MAST2: variants seen among roughly 807,000 people sequenced by gnomAD.
MAST2 encodes microtubule-associated serine/threonine-protein kinase 2.
MAST2 carries 70 observed loss-of-function variants against 147.4 expected under a neutral mutation model. The observed-to-expected ratio is 0.47, with a 90% confidence interval of 0.39 to 0.58. The LOEUF (loss-of-function observed/expected upper bound fraction) is 0.58, where lower values mean the gene tolerates loss of function less well. Among genes scored for constraint, MAST2 ranks in the 20% least tolerant of loss-of-function variants. The pLI is 0.00. For synonymous variants in MAST2, 869 were observed against 896.8 expected (o/e 0.97, Z 0.55); for missense variants, 2,080 against 2,302.3 (o/e 0.90, Z 1.98).
At chr1:45,933,238 C>A (rs11589549) in intron 4 of MAST2, among the ~76,000 whole-genome samples, 2 of 104,666 alleles carry the variant, frequency 1.9e-5, no homozygotes, top group African/African-American at 3.7e-5. Context: ...AAAAAAAAAG[C>A]GGGGGGGTTG....
At chr1:45,869,332 T>TG (rs959171588) in intron 3 of MAST2, among the ~76,000 whole-genome samples, 3 of 152,236 alleles carry the variant, frequency 2.0e-5, no homozygotes, top group African/African-American at 7.2e-5. Flanking sequence ...TTCCTGTAGA[T>TG]GCCATGTATT....
At chr1:45,869,308 G>C (rs1402602328) in intron 3 of MAST2, among the ~76,000 whole-genome samples, 2 of 152,176 alleles carry the variant, frequency 1.3e-5, no homozygotes, top group African/African-American at 4.8e-5. Context: ...TCTGGAGTCT[G>C]TGTTAACAAT....
At chr1:46,024,294 A>C in intron 15 of MAST2, 1 of 347,662 alleles carries the variant, frequency 2.9e-6, no homozygotes. Context: ...AGAGCTACAA[A>C]AGCCCAGGAT....
chr1:45,969,058 T>C (rs1277425162), intron 5 of MAST2, among the ~76,000 whole-genome samples: 1 of 152,208 alleles, frequency 6.6e-6, no homozygotes, highest in East Asian at 1.9e-4. Flanking sequence ...CCTTAGAATT[T>C]CTATTTATAT....
intron 3 of MAST2, among the ~76,000 whole-genome samples, chr1:45,854,868 G>A (rs775652106): frequency 6.6e-6 from 1 of 152,180 alleles, no homozygotes; most frequent in Non-Finnish European, 1.5e-5. Flanking sequence ...AGTCCTAGCT[G>A]GTTTTACCTG....
chr1:45,854,261 C>T (rs1383974630), intron 3 of MAST2, among the ~76,000 whole-genome samples: 3 of 151,424 alleles, frequency 2.0e-5, no homozygotes, highest in South Asian at 2.1e-4. Flanking sequence ...CACTTGAACC[C>T]GGGAGGCAGA....
rs1240049612 is a variant in MAST2 at position 46,035,439 on chromosome 1, G to A, written c.4770G>A (p.Glu1590=). The change falls in exon 29 of 29, where the codon GAG becomes GAA. Residue 1590 remains glutamate, a synonymous_variant. Coordinates refer to ENST00000361297, the MANE Select transcript of MAST2 (RefSeq NM_015112.3). The surrounding 1 kb of genome is among the most constrained non-coding windows in gnomAD (Gnocchi z 5.5). ...HRRLGSPQAI[E]EAASSSSAGP... is the part of the protein sequence containing the mutation. ...GGCTCGGGAGCCCACAAGCCATTGA[G>A]GAGGCTGCCAGCTCCTCCTCAGCAG... 3 of 1,613,100 alleles carry A rather than the reference G, an allele frequency of 1.9e-6. No homozygotes were observed. In the African/African-American group the frequency reaches 4.0e-5, roughly 22 times the overall value.
chr1:45,970,803 T>G lies in MAST2; in HGVS notation c.592+11326T>G, dbSNP rs77469052. ...TCGCTGACAGACTAAGAAGTGTTTT[T>G]TTTTTTTTTTTTCTCCTCCAGTTTG... On this transcript the variant is annotated intron_variant, in intron 5 of 28. Transcript: ENST00000361297. Among the ~76,000 whole-genome samples the G allele has an allele frequency of 4.2e-3, 626 of 150,760 alleles. 6 individuals are homozygous for G. The highest frequency in any genetic ancestry group is 0.036 in the East Asian group (185 of 5,174).
chr1:45,929,257 G>C (rs570894042), intron 4 of MAST2, among the ~76,000 whole-genome samples: 1 of 151,754 alleles, frequency 6.6e-6, no homozygotes, highest in African/African-American at 2.4e-5. Flanking sequence ...ACCCTTATTC[G>C]CATTGACTCA....
intron 5 of MAST2, among the ~76,000 whole-genome samples, chr1:45,962,977 C>T (rs1423583986): frequency 4.6e-5 from 7 of 152,324 alleles, no homozygotes; most frequent in South Asian, 2.1e-4. Flanking sequence ...CAGCTTTCTA[C>T]ATATGGCTAG....
intron 10 of MAST2, among the ~76,000 whole-genome samples, chr1:46,017,238 G>A (rs1000391271): frequency 1.3e-5 from 2 of 152,108 alleles, no homozygotes; most frequent in African/African-American, 4.8e-5. Context: ...GAAAACCTAG[G>A]CATTACCATT....
chr1:45,818,259 G>A (rs545259433), intron 1 of MAST2, among the ~76,000 whole-genome samples: 1 of 152,114 alleles, frequency 6.6e-6, no homozygotes, highest in African/African-American at 2.4e-5. Flanking sequence ...CTTTCACTGG[G>A]GTTCAGAAAG....
intron 1 of MAST2, among the ~76,000 whole-genome samples, chr1:45,823,289 C>T (rs1220640407): frequency 6.8e-6 from 1 of 147,872 alleles, no homozygotes. Context: ...GTGCCAGTTA[C>T]TTGAAGCTTG....
At chr1:45,894,714 G>A (rs1490473864) in intron 4 of MAST2, among the ~76,000 whole-genome samples, 1 of 152,118 alleles carries the variant, frequency 6.6e-6, no homozygotes, top group Non-Finnish European at 1.5e-5. Context: ...TTCACATTCC[G>A]AGTTGTGCCC....
intron 3 of MAST2, among the ~76,000 whole-genome samples, chr1:45,856,501 T>C (rs891733052): frequency 3.9e-5 from 6 of 152,256 alleles, no homozygotes; most frequent in Non-Finnish European, 8.8e-5. Flanking sequence ...CATTTTTGTT[T>C]ATTTTTGTTT....
At chr1:45,977,792 T>G (rs1644231008) in intron 5 of MAST2, among the ~76,000 whole-genome samples, 1 of 90,904 alleles carries the variant, frequency 1.1e-5, no homozygotes, top group Non-Finnish European at 2.2e-5. Context: ...AGAGCAAGAC[T>G]CTTGTCTCAA....
At chr1:45,811,988 T>A (rs962765051) in intron 1 of MAST2, among the ~76,000 whole-genome samples, 1 of 152,078 alleles carries the variant, frequency 6.6e-6, no homozygotes, top group African/African-American at 2.4e-5. Context: ...CAGGCTGGTC[T>A]GGACCTCCTG....
intron 1 of MAST2, among the ~76,000 whole-genome samples, chr1:45,812,225 A>G (rs576672594): frequency 8.6e-5 from 13 of 152,046 alleles, no homozygotes; most frequent in Non-Finnish European, 1.3e-4. Flanking sequence ...CCTCTTATCC[A>G]GGGTATGGGT....
chr1:45,921,749 C>T lies in MAST2; in HGVS notation c.501-37637C>T, dbSNP rs112393221. On this transcript the variant is annotated intron_variant, in intron 4 of 28. Coordinates refer to ENST00000361297, the MANE Select transcript of MAST2 (RefSeq NM_015112.3). ...AGTCACAGCTCAGGCTCGGGGAGCT[C>T]TCAGGTCTGGTCTCTCCAAAGGGCT... 3.1e-4 allele frequency among the ~76,000 whole-genome samples: 47 copies of T among 152,324 alleles called. 1 individual carries two copies. The Middle Eastern group carries it at 0.034, about 110-fold the overall frequency.
Sources: gnomAD v4.1 joint callset for allele counts (sites outside exome capture counted in the v4.1 genomes callset) on GRCh38, gnomAD v4.1.1 for gene constraint, Gnocchi (gnomAD v3.1) non-coding constraint, MANE v1.5 for transcripts, NCBI Gene and HGNC (gene_info 2026-07-23, HGNC 2026-07-21) for gene names.